The following GRB10 variants were observed in gnomAD, a reference collection of about 807,000 sequenced individuals.
GRB10 encodes growth factor receptor bound protein 10.
GRB10 carries 20 observed loss-of-function variants against 80.9 expected under a neutral mutation model. The ratio of observed to expected loss-of-function variants is 0.25; its 90% CI spans 0.17 to 0.36. The LOEUF is 0.36. Among genes scored for constraint, GRB10 ranks in the 10% least tolerant of loss-of-function variants. The pLI, the probability that GRB10 is intolerant of heterozygous loss-of-function variation, is 1.00. For missense variants in GRB10, 548 were observed against 747.7 expected, an observed-to-expected ratio of 0.73 and a Z score of 3.12; for synonymous variants, 291 against 291.5, an observed-to-expected ratio of 1.00 and a Z score of 0.02.
intron 2 of GRB10, among the ~76,000 whole-genome samples, chr7:50,775,938 T>C (rs2077587644): frequency 6.6e-6 from 1 of 152,176 alleles, no homozygotes; most frequent in Non-Finnish European, 1.5e-5. Flanking sequence ...AGGCAGTGAA[T>C]GCTGAGGTCC....
In GRB10 at chr7:50,711,087, C is replaced by T. The variant is rs1389456885; in HGVS notation, c.52-7179G>A. ...GAATGACAGGGATTCGAAATGTCTT[C>T]CACCTGGGAGAATGCCCGATCATAA... On this transcript the variant is annotated intron_variant, in intron 4 of 18. Coordinates refer to ENST00000401949, the MANE Select transcript of GRB10 (RefSeq NM_001350814.2). 4.7e-6 allele frequency: 3 copies of T among 632,946 alleles called. No individual in the cohort carries two copies. The East Asian group carries it at 8.1e-5, about 17-fold the overall frequency. 39.2% of individuals were successfully genotyped at this position (632,946 alleles called of 1,614,324 possible).
intron 7 of GRB10, among the ~76,000 whole-genome samples, chr7:50,656,194 C>A (rs1415044196): frequency 6.6e-6 from 1 of 152,158 alleles, no homozygotes; most frequent in Admixed American, 6.5e-5. Flanking sequence ...AGGAGACAGG[C>A]GCGGGCTGAG....
chr7:50,665,457 G>A (rs553871632), intron 7 of GRB10, among the ~76,000 whole-genome samples: 1 of 152,274 alleles, frequency 6.6e-6, no homozygotes, highest in Non-Finnish European at 1.5e-5. Flanking sequence ...GAGGGCCCAT[G>A]AGCCAGTGGC....
chr7:50,754,359 G>GT (rs2074698152), intron 3 of GRB10, among the ~76,000 whole-genome samples: 1 of 152,222 alleles, frequency 6.6e-6, no homozygotes, highest in African/African-American at 2.4e-5. Flanking sequence ...GAGGAGAAGG[G>GT]TGAAGGGCCT....
chr7:50,745,026 T>G (rs2072641494), intron 3 of GRB10, among the ~76,000 whole-genome samples: 1 of 152,226 alleles, frequency 6.6e-6, no homozygotes, highest in Non-Finnish European at 1.5e-5. Context: ...CAGCCTAGTC[T>G]TCTACATATA....
At chr7:50,738,966 T>C (rs1165518004) in intron 3 of GRB10, among the ~76,000 whole-genome samples, 3 of 152,106 alleles carry the variant, frequency 2.0e-5, no homozygotes, top group South Asian at 2.1e-4. Flanking sequence ...ATAAATAATA[T>C]ATTAAAATTT....
At position 50,692,993 on chromosome 7, in the gene GRB10, G is replaced by C. The variant is rs544618888; in HGVS notation, c.139+10828C>G. On this transcript the variant is annotated intron_variant, in intron 5 of 18. Transcript: ENST00000401949. ...TCTGATGAGGAAGATAAGACATGCA[G>C]GGAGGTTCTAGCACAGGCCTCAAAG... is the stretch of plus-strand genomic sequence containing the variant. Among the ~76,000 whole-genome samples the C allele has an allele frequency of 1.2e-4, 19 of 152,276 alleles. 1 individual carries two copies. In the South Asian group the frequency reaches 3.9e-3, roughly 32 times the overall value.
intron 5 of GRB10, among the ~76,000 whole-genome samples, chr7:50,689,258 T>G (rs186709092): frequency 7.5e-4 from 115 of 152,320 alleles, no homozygotes; most frequent in African/African-American, 2.7e-3. Flanking sequence ...ACACTAGTTA[T>G]GCAAAGGTAC....
At chr7:50,757,546 G>A (rs1022580447) in intron 2 of GRB10, among the ~76,000 whole-genome samples, 14 of 152,346 alleles carry the variant, frequency 9.2e-5, no homozygotes, top group African/African-American at 3.1e-4. Context: ...AACATCACCT[G>A]CCTATGCAAA....
chr7:50,783,233 A>C (rs1339934393), upstream of GRB10, among the ~76,000 whole-genome samples: 1 of 151,970 alleles, frequency 6.6e-6, no homozygotes, highest in Non-Finnish European at 1.5e-5. Flanking sequence ...CTCTCGTCTC[A>C]CCCTTCTCCC....
intron 2 of GRB10, among the ~76,000 whole-genome samples, chr7:50,773,473 GA>G (rs2077230842): frequency 4.8e-5 from 1 of 20,860 alleles, no homozygotes; most frequent in African/African-American, 9.0e-5. Context: ...GAAGGCAGGG[GA>G]GGGGAAGGCA....
intron 5 of GRB10, among the ~76,000 whole-genome samples, chr7:50,678,162 C>T (rs184304646): frequency 6.6e-5 from 10 of 152,310 alleles, no homozygotes; most frequent in Non-Finnish European, 1.2e-4. Flanking sequence ...TGGGTCATAG[C>T]TCTGCAATTA....
At chr7:50,666,803 G>A (rs1368544976) in intron 7 of GRB10, among the ~76,000 whole-genome samples, 1 of 152,090 alleles carries the variant, frequency 6.6e-6, no homozygotes, top group Non-Finnish European at 1.5e-5. Context: ...CACTTTGGGA[G>A]GCCGAGGTGG....
At position 50,656,464 on chromosome 7, in the gene GRB10, C is replaced by T. The variant is rs527398484; in HGVS notation, c.504+13258G>A. ...GTGACTATGCAGTAGCCTATGCAAA[C>T]GCCACTAGACTCTCTTCTTCCTTCA... On this transcript the variant is annotated intron_variant, in intron 7 of 18. Transcript: ENST00000401949. 3.3e-5 allele frequency among the ~76,000 whole-genome samples: 5 copies of T among 152,344 alleles called. No homozygotes were observed. In the East Asian group the frequency reaches 5.8e-4, roughly 18 times the overall value.
chr7:50,741,738 T>C (rs1245506502), intron 3 of GRB10, among the ~76,000 whole-genome samples: 6 of 151,966 alleles, frequency 3.9e-5, no homozygotes, highest in Non-Finnish European at 2.9e-5. Context: ...ACTCATGCCA[T>C]GAAATGCATA....
chr7:50,651,999 C>T (rs2058053571), intron 7 of GRB10, among the ~76,000 whole-genome samples: 1 of 152,226 alleles, frequency 6.6e-6, no homozygotes, highest in South Asian at 2.1e-4. Context: ...TCTGTTCTAA[C>T]CTCTTCATCT....
At chr7:50,606,127 G>T (rs1450647725) in intron 14 of GRB10, among the ~76,000 whole-genome samples, 2 of 152,206 alleles carry the variant, frequency 1.3e-5, no homozygotes, top group African/African-American at 4.8e-5. Flanking sequence ...TGCAGGGACG[G>T]GAGAAGAACG....
intron 7 of GRB10, among the ~76,000 whole-genome samples, chr7:50,634,231 A>C (rs925822862): frequency 6.6e-6 from 1 of 152,230 alleles, no homozygotes; most frequent in Non-Finnish European, 1.5e-5. Context: ...CTGGGGGTCT[A>C]TTTTTAGCCT....
At chr7:50,674,992 A>G (rs1447318104) in intron 5 of GRB10, among the ~76,000 whole-genome samples, 1 of 152,052 alleles carries the variant, frequency 6.6e-6, no homozygotes, top group African/African-American at 2.4e-5. Flanking sequence ...GCACACAGCC[A>G]CAGCTGCATA....
Sources: allele counts gnomAD v4.1 joint callset (sites outside exome capture counted in the v4.1 genomes callset), GRCh38; gene constraint gnomAD v4.1.1; transcripts MANE v1.5; gene names NCBI Gene and HGNC (gene_info 2026-07-23, HGNC 2026-07-21).